POTEJ: variants seen among roughly 807,000 people sequenced by gnomAD.
POTEJ encodes the protein POTE ankyrin domain family, member J.
POTEJ carries 11 observed loss-of-function variants against 69.0 expected under a neutral mutation model. The ratio of observed to expected loss-of-function variants is 0.16; its 90% CI spans 0.10 to 0.26. The LOEUF is 0.26. POTEJ is among the 10% of genes least tolerant of loss of function. The pLI, the probability that POTEJ is intolerant of heterozygous loss-of-function variation, is 1.00. For synonymous variants in POTEJ, 117 were observed against 381.1 expected (o/e 0.31, Z 8.07); for missense variants, 327 against 1,045.5 (o/e 0.31, Z 9.48).
At chr2:130,624,215 T>C in intron 6 of POTEJ, 81 bp downstream of exon 6, 2 of 870,200 alleles carry the variant, frequency 2.3e-6, no homozygotes, top group Admixed American at 3.1e-5. Flanking sequence ...TGGAAGACAA[T>C]TTTTCCATGG....
chr2:130,654,664 C>T (rs1259391539), intron 13 of POTEJ, among the ~76,000 whole-genome samples: 1 of 143,954 alleles, frequency 6.9e-6, no homozygotes, highest in African/African-American at 2.7e-5. Context: ...ATAAAGTGCA[C>T]AATGAATGTA....
intron 14 of POTEJ, 50 bp downstream of exon 14, chr2:130,655,091 A>C (rs1196509330): frequency 3.6e-6 from 2 of 554,198 alleles, no homozygotes; most frequent in Non-Finnish European, 6.5e-6. Context: ...GTATATTTTA[A>C]AGAACTGTAT....
intron 13 of POTEJ, among the ~76,000 whole-genome samples, chr2:130,646,701 G>T (rs1192793988): frequency 1.5e-5 from 2 of 137,888 alleles, no homozygotes; most frequent in Non-Finnish European, 3.1e-5. Flanking sequence ...CTCCTGCCAT[G>T]CTCCTCCCTC....
chr2:130,640,710 G>T (rs1304104790), intron 10 of POTEJ, among the ~76,000 whole-genome samples: 3 of 152,060 alleles, frequency 2.0e-5, no homozygotes, highest in Admixed American at 1.3e-4. Flanking sequence ...CATTTCATTG[G>T]CTGGGTCATA....
chr2:130,649,803 T>G (rs1686740668), intron 13 of POTEJ, among the ~76,000 whole-genome samples: 1 of 147,430 alleles, frequency 6.8e-6, no homozygotes, highest in South Asian at 2.2e-4. Context: ...GGCACACCTC[T>G]GCACTTAGCA....
intron 14 of POTEJ, among the ~76,000 whole-genome samples, chr2:130,655,484 A>G (rs1250460838): frequency 5.9e-5 from 9 of 152,254 alleles, no homozygotes. Flanking sequence ...TTTTGCAGAG[A>G]GGAACAGTTT....
Position 130,630,649 on chromosome 2 carries a change from T to G in POTEJ, c.1086+630T>G, listed in dbSNP as rs1392285122. Among the ~76,000 whole-genome samples the G allele has an allele frequency of 1.4e-5, 2 of 142,266 alleles. 1 individual carries two copies. Among genetic ancestry groups the G allele is most frequent in the Admixed American group, 1.4e-4 (2 of 14,380 alleles). The allele number at this position is 142,266 out of a possible 152,430, so 93.3% of individuals were successfully genotyped here. On this transcript the variant is annotated intron_variant, in intron 7 of 14. Coordinates refer to ENST00000409602, the MANE Select transcript of POTEJ (RefSeq NM_001277083.2). ...AACCAGGTCATAAAAGCAACACAGC[T>G]GCCTATTACAAGAATCATATCTTGC...
At chr2:130,636,415 G>C (rs1008506228) in intron 9 of POTEJ, among the ~76,000 whole-genome samples, 1 of 144,380 alleles carries the variant, frequency 6.9e-6, no homozygotes, top group Admixed American at 7.0e-5. Flanking sequence ...TGACATCAAC[G>C]CTGTTAACCT....
chr2:130,637,740 A>T (rs1386874289), intron 9 of POTEJ, among the ~76,000 whole-genome samples: 2 of 152,282 alleles, frequency 1.3e-5, no homozygotes, highest in African/African-American at 2.4e-5. Context: ...AACCTAAAAA[A>T]AAAAATAAAA....
intron 3 of POTEJ, among the ~76,000 whole-genome samples, chr2:130,618,260 G>C (rs1447838509): frequency 6.6e-6 from 1 of 152,310 alleles, no homozygotes; most frequent in African/African-American, 2.4e-5. Context: ...ATCTTCAAAT[G>C]AGAAAGGGAA....
At chr2:130,650,426 T>C (rs1686767679) in intron 13 of POTEJ, among the ~76,000 whole-genome samples, 1 of 152,144 alleles carries the variant, frequency 6.6e-6, no homozygotes, top group Admixed American at 6.5e-5. Flanking sequence ...CTCTCATGAA[T>C]AGGGTTTTTA....
At chr2:130,625,408 C>T (rs1484789690) in intron 6 of POTEJ, among the ~76,000 whole-genome samples, 1 of 151,700 alleles carries the variant, frequency 6.6e-6, no homozygotes, top group Non-Finnish European at 1.5e-5. Flanking sequence ...CATTATTTTA[C>T]TACTTTATTC....
At chr2:130,636,605 AT>A (rs1434788149) in intron 9 of POTEJ, among the ~76,000 whole-genome samples, 74 of 147,676 alleles carry the variant, frequency 5.0e-4, no homozygotes, top group African/African-American at 1.8e-3. Flanking sequence ...CATACCGTAT[AT>A]TTTGCCTTAT....
chr2:130,614,651 A>C (rs1278112704), intron 1 of POTEJ, among the ~76,000 whole-genome samples: 2 of 138,828 alleles, frequency 1.4e-5, no homozygotes, highest in Non-Finnish European at 3.1e-5. Flanking sequence ...TTGTAAGTGA[A>C]GTTTTTCCCT....
intron 10 of POTEJ, among the ~76,000 whole-genome samples, chr2:130,640,178 T>C (rs1280336233): frequency 1.4e-5 from 2 of 145,240 alleles, no homozygotes; most frequent in Admixed American, 1.4e-4. Flanking sequence ...AGTGAGATTG[T>C]GTGTTTGCCA....
rs541911562 is a variant in POTEJ, at chr2:130,648,154, G to T, written c.1667+1844G>T. ...AGTTTTAGTATTTCTTGGTCTTTAT[G>T]TATAAGCATGAACAAAATGATAATC... On this transcript the variant is annotated intron_variant, in intron 13 of 14. Coordinates refer to ENST00000409602, the MANE Select transcript of POTEJ (RefSeq NM_001277083.2). Among the ~76,000 whole-genome samples, 8 of 146,736 alleles carry T rather than the reference G, an allele frequency of 5.5e-5. 1 individual carries two copies. The highest frequency in any genetic ancestry group is 1.2e-4 in the Non-Finnish European group (8 of 65,860).
In POTEJ at chr2:130,628,912, G is replaced by A. The variant is rs370544753; in HGVS notation, c.1016-1037G>A. On this transcript the variant is annotated intron_variant, in intron 6 of 14. Transcript: ENST00000409602. ...GCATGCCTGTAATCCCAGCTTCTCCGGAGACTGAGACAGGAGAATCGCTTG... is the reference window on the plus strand; with the variant it reads ...GCATGCCTGTAATCCCAGCTTCTCCAGAGACTGAGACAGGAGAATCGCTTG... Among the ~76,000 whole-genome samples the A allele has an allele frequency of 9.6e-4, 139 of 144,510 alleles. 1 individual carries two copies. The highest frequency in any genetic ancestry group is 4.5e-3 in the East Asian group (23 of 5,152). The allele number at this position is 144,510 out of a possible 152,430, so 94.8% of individuals were successfully genotyped here. A position where few individuals can be genotyped will look rare whatever the true frequency, so the allele number is the denominator to read the frequency against.
chr2:130,637,051 C>A (rs1686119672), intron 9 of POTEJ, among the ~76,000 whole-genome samples: 1 of 147,266 alleles, frequency 6.8e-6, no homozygotes, highest in Non-Finnish European at 1.5e-5. Context: ...TGCACTCCAG[C>A]CTGGGTGACA....
chr2:130,625,191 T>G (rs528974915), intron 6 of POTEJ, among the ~76,000 whole-genome samples: 1 of 152,258 alleles, frequency 6.6e-6, no homozygotes, highest in South Asian at 2.1e-4. Flanking sequence ...GTTTTGATCT[T>G]TAAGGTGCTC....
Sources: allele counts gnomAD v4.1 joint callset (sites outside exome capture counted in the v4.1 genomes callset), GRCh38; gene constraint gnomAD v4.1.1; transcripts MANE v1.5; gene names NCBI Gene and HGNC (gene_info 2026-07-23, HGNC 2026-07-21).